WWOX: variants seen among roughly 807,000 people sequenced by gnomAD.
WWOX encodes WW domain-containing oxidoreductase.
In WWOX, 69 loss-of-function variants were observed where a neutral mutation model predicts 46.2. The ratio of observed to expected loss-of-function variants is 1.49; its 90% CI spans 1.23 to 1.82. WWOX has a LOEUF of 1.82. Among genes scored for constraint, WWOX ranks in the 40% most tolerant of loss-of-function variants. WWOX has a pLI of 0.00. For missense variants in WWOX, 919 were observed against 542.6 expected (o/e 1.69, Z -6.89); for synonymous variants, 359 against 202.6 (o/e 1.77, Z -6.56).
intron 8 of WWOX, among the ~76,000 whole-genome samples, chr16:79,162,636 G>T (rs2050509269): frequency 6.6e-6 from 1 of 152,198 alleles, no homozygotes. Context: ...TTTGCCCTTG[G>T]ACCATGTCTT....
intron 8 of WWOX, among the ~76,000 whole-genome samples, chr16:78,926,473 T>G (rs1306826865): frequency 6.6e-6 from 1 of 152,210 alleles, no homozygotes; most frequent in Non-Finnish European, 1.5e-5. Context: ...TGAGTTTGTG[T>G]CTATGGTTTC....
chr16:78,173,598 T>C (rs1380697608), intron 5 of WWOX, among the ~76,000 whole-genome samples: 1 of 152,094 alleles, frequency 6.6e-6, no homozygotes, highest in Non-Finnish European at 1.5e-5. Context: ...GTGCCTGGCC[T>C]TAGTCATCTC....
At chr16:78,117,277 G>A (rs574109207) in intron 4 of WWOX, among the ~76,000 whole-genome samples, 2 of 152,220 alleles carry the variant, frequency 1.3e-5, no homozygotes, top group Admixed American at 6.5e-5. Flanking sequence ...CACAGATGTC[G>A]CACAAGGTCT....
At chr16:78,482,003 T>C (rs2084504777) in intron 8 of WWOX, among the ~76,000 whole-genome samples, 1 of 152,150 alleles carries the variant, frequency 6.6e-6, no homozygotes, top group South Asian at 2.1e-4. Flanking sequence ...AGGTTTTGCT[T>C]TCATACACAT....
chr16:78,998,373 C>T (rs547517660), intron 8 of WWOX, among the ~76,000 whole-genome samples: 41 of 152,248 alleles, frequency 2.7e-4, no homozygotes, highest in Non-Finnish European at 5.4e-4. Flanking sequence ...GCTTTGTACT[C>T]GGGCCCAGAG....
At chr16:78,255,385 A>G (rs1466714257) in intron 5 of WWOX, among the ~76,000 whole-genome samples, 1 of 152,260 alleles carries the variant, frequency 6.6e-6, no homozygotes, top group Non-Finnish European at 1.5e-5. Flanking sequence ...CTAAGAAACT[A>G]TATTGCCGAG....
chr16:78,114,367 C>T (rs749231276), intron 3 of WWOX, among the ~76,000 whole-genome samples: 6 of 152,048 alleles, frequency 3.9e-5, no homozygotes, highest in South Asian at 2.1e-4. Flanking sequence ...CCCAAATTGC[C>T]GAGATTACAG....
At chr16:78,333,326 G>A (rs1046222863) in intron 5 of WWOX, among the ~76,000 whole-genome samples, 1 of 151,932 alleles carries the variant, frequency 6.6e-6, no homozygotes, top group Admixed American at 6.6e-5. Context: ...TGGGATTACA[G>A]ACATGAGCCA....
At chr16:78,802,929 A>AAAC (rs2050929924) in intron 8 of WWOX, among the ~76,000 whole-genome samples, 1 of 111,446 alleles carries the variant, frequency 9.0e-6, no homozygotes, top group Non-Finnish European at 1.9e-5. Context: ...AAAAAAAAAA[A>AAAC]AAAAAAAAAA....
chr16:78,135,371 T>G lies in WWOX; in HGVS notation c.409+20217T>G, dbSNP rs142469135. ...AGCTTTAGTTTCCTTGAATGTCTAA[T>G]AGAGTCTGAGTTTCCTTTTAGAAGC... On this transcript the variant is annotated intron_variant, in intron 4 of 8. Transcript: ENST00000566780. 1.4e-4 allele frequency among the ~76,000 whole-genome samples: 21 copies of G among 152,330 alleles called. No homozygotes were observed. In the East Asian group the frequency reaches 3.7e-3, roughly 27 times the overall value.
rs529812201 is a variant in WWOX, at chr16:79,047,672, A to ACT, written c.1057-163936_1057-163935insCT. On this transcript the variant is annotated intron_variant, in intron 8 of 8. Transcript: ENST00000566780. ...GTGACTTTCTCCTGAGACTGTCCTGATTTTTTTTTTTTTTTTTTTTTTTTT... is the reference window on the plus strand; with the variant it reads ...GTGACTTTCTCCTGAGACTGTCCTGACTTTTTTTTTTTTTTTTTTTTTTTTTT... Among the ~76,000 whole-genome samples, 188 of 53,534 alleles carry ACT rather than the reference A, an allele frequency of 3.5e-3. 1 individual carries two copies. The highest frequency in any genetic ancestry group is 0.014 in the African/African-American group (183 of 13,048). 35.1% of individuals were successfully genotyped at this position (53,534 alleles called of 152,430 possible). A position where few individuals can be genotyped will look rare whatever the true frequency, so the allele number is the denominator to read the frequency against.
At chr16:78,160,290 G>A (rs534821034) in intron 4 of WWOX, among the ~76,000 whole-genome samples, 7 of 151,720 alleles carry the variant, frequency 4.6e-5, no homozygotes, top group South Asian at 2.1e-4. Flanking sequence ...GCACCACCAC[G>A]CCCAACTAAT....
chr16:78,429,150 G>T (rs938109316), intron 7 of WWOX, among the ~76,000 whole-genome samples: 1 of 152,172 alleles, frequency 6.6e-6, no homozygotes, highest in Non-Finnish European at 1.5e-5. Flanking sequence ...TACTTTCCAA[G>T]AATTCACAGT....
chr16:78,885,788 A>T (rs1202733339), intron 8 of WWOX, among the ~76,000 whole-genome samples: 2 of 152,026 alleles, frequency 1.3e-5, no homozygotes, highest in Non-Finnish European at 2.9e-5. Flanking sequence ...GAAGGATCGG[A>T]TTCTTCCCCC....
intron 8 of WWOX, among the ~76,000 whole-genome samples, chr16:78,587,583 A>G (rs181535791): frequency 1.1e-3 from 172 of 152,234 alleles, no homozygotes; most frequent in African/African-American, 4.1e-3. Flanking sequence ...TACCGTAAAC[A>G]GAGATGTTGA....
Position 79,194,569 on chromosome 16 carries a change from G to T in WWOX, c.1057-17039G>T, listed in dbSNP as rs185922051. Among the ~76,000 whole-genome samples, 9 of 152,246 alleles carry T rather than the reference G, an allele frequency of 5.9e-5. No individual in the cohort carries two copies. The East Asian group carries it at 1.4e-3, about 23-fold the overall frequency. ...CTCGGCTCCGACGTTACAGGCAGCA[G>T]TGTGGGGCCTCACCTTACCTTTTCC... On this transcript the variant is annotated intron_variant, in intron 8 of 8. Transcript: ENST00000566780.
intron 8 of WWOX, among the ~76,000 whole-genome samples, chr16:78,809,705 A>G (rs2051138452): frequency 6.6e-6 from 1 of 152,154 alleles, no homozygotes; most frequent in African/African-American, 2.4e-5. Flanking sequence ...GAATGAGGCC[A>G]TGTGGGCTTT....
At chr16:78,116,796 C>G (rs1031624059) in intron 4 of WWOX, among the ~76,000 whole-genome samples, 1 of 152,136 alleles carries the variant, frequency 6.6e-6, no homozygotes, top group African/African-American at 2.4e-5. Flanking sequence ...TAGCCAGAAA[C>G]TTTAAAGATC....
chr16:79,177,506 C>G (rs897775101), intron 8 of WWOX, among the ~76,000 whole-genome samples: 8 of 152,126 alleles, frequency 5.3e-5, no homozygotes, highest in African/African-American at 1.9e-4. Flanking sequence ...TTACAGATCC[C>G]TCAAATCCCT....
Sources: allele counts gnomAD v4.1 joint callset (sites outside exome capture counted in the v4.1 genomes callset), GRCh38; gene constraint gnomAD v4.1.1; transcripts MANE v1.5; gene names NCBI Gene and HGNC (gene_info 2026-07-23, HGNC 2026-07-21).